Variants in NKIRAS1 observed in about 807,000 individuals in gnomAD.
The protein encoded by NKIRAS1 is NFKB inhibitor interacting Ras like 1, also known as NF-kappa-B inhibitor-interacting Ras-like protein 1.
In NKIRAS1, 16 loss-of-function variants were observed where a neutral mutation model predicts 19.8. The ratio of observed to expected loss-of-function variants is 0.81; its 90% confidence interval spans 0.55 to 1.23. The LOEUF (loss-of-function observed/expected upper bound fraction) is 1.23, where lower values mean the gene tolerates loss of function less well. NKIRAS1 is among the 50% of genes most tolerant of loss of function. The probability of loss-of-function intolerance (pLI) is 0.00; values close to 1 mark genes in which losing one functional copy is unlikely to be tolerated. For missense variants in NKIRAS1, 184 were observed against 220.0 expected, an observed-to-expected ratio of 0.84 and a Z score of 1.04; for synonymous variants, 88 against 79.0, an observed-to-expected ratio of 1.11 and a Z score of -0.61.
At chr3:23,917,707 G>T (rs924496674), upstream of NKIRAS1, 1 of 796,154 alleles carries the variant, frequency 1.3e-6, no homozygotes, top group Non-Finnish European at 2.0e-6. Flanking sequence ...TGGGGGTTGG[G>T]CTAGCTGTCC....
chr3:23,936,554 T>C (rs1211789126), intron 1 of NKIRAS1, among the ~76,000 whole-genome samples: 1 of 152,178 alleles, frequency 6.6e-6, no homozygotes, highest in South Asian at 2.1e-4. Context: ...TTTTTCTTTT[T>C]TTTTTCTTTT....
intron 1 of NKIRAS1, among the ~76,000 whole-genome samples, chr3:23,936,104 A>AAAAAAAAC (rs1705388771): frequency 1.3e-5 from 2 of 150,416 alleles, no homozygotes; most frequent in Non-Finnish European, 3.0e-5. Context: ...AAAAAAAAAA[A>AAAAAAAAC]AAGCGGGGTT....
At chr3:23,911,682 A>G (rs1272663130) in intron 1 of NKIRAS1, among the ~76,000 whole-genome samples, 1 of 152,144 alleles carries the variant, frequency 6.6e-6, no homozygotes, top group African/African-American at 2.4e-5. Context: ...TAGAAAATGG[A>G]CATGATTTTT....
intron 4 of NKIRAS1, among the ~76,000 whole-genome samples, chr3:23,898,955 G>A (rs897301264): frequency 2.0e-5 from 3 of 152,180 alleles, no homozygotes. Flanking sequence ...GAGGGATCTA[G>A]GTTGCATGCT....
intron 3 of NKIRAS1, among the ~76,000 whole-genome samples, chr3:23,907,570 A>G (rs1703202997): frequency 1.3e-5 from 2 of 152,310 alleles, no homozygotes; most frequent in South Asian, 4.1e-4. Flanking sequence ...CTGTGTTGAT[A>G]TTTGTACTGA....
chr3:23,918,756 G>T (rs562409815), upstream of NKIRAS1: 8 of 725,618 alleles, frequency 1.1e-5, no homozygotes, highest in African/African-American at 1.2e-4. Flanking sequence ...TTACAAATGC[G>T]TGTGTATATA....
chr3:23,901,460 G>A (rs562810195), intron 3 of NKIRAS1, among the ~76,000 whole-genome samples: 1 of 152,024 alleles, frequency 6.6e-6, no homozygotes, highest in Non-Finnish European at 1.5e-5. Context: ...CTGGGATTAC[G>A]GGTGTGAGGC....
chr3:23,919,122 GA>G (rs1704922148), upstream of NKIRAS1: 4 of 1,007,444 alleles, frequency 4.0e-6, no homozygotes, highest in Non-Finnish European at 4.6e-6. Flanking sequence ...CTAGAGTTGA[GA>G]ATTAAAATTC....
chr3:23,930,724 A>T (rs1299324608), intron 1 of NKIRAS1, among the ~76,000 whole-genome samples: 1 of 152,224 alleles, frequency 6.6e-6, no homozygotes, highest in African/African-American at 2.4e-5. Flanking sequence ...TTTCTGAGAC[A>T]GGGTCGTACT....
intron 1 of NKIRAS1, chr3:23,945,117 G>A (rs1705603208): frequency 6.7e-6 from 1 of 150,016 alleles, no homozygotes; most frequent in Non-Finnish European, 1.5e-5. Flanking sequence ...GCTCGGCAAG[G>A]AGAAGGAAGG....
chr3:23,918,121 T>C (rs1314212633), upstream of NKIRAS1: 2 of 1,474,254 alleles, frequency 1.4e-6, no homozygotes, highest in Non-Finnish European at 9.1e-7. Flanking sequence ...TGCCTCAGTG[T>C]CTTTCTTCGC....
chr3:23,910,279 C>G (rs1047666182), intron 3 of NKIRAS1, among the ~76,000 whole-genome samples: 10 of 151,740 alleles, frequency 6.6e-5, no homozygotes, highest in African/African-American at 1.7e-4. Flanking sequence ...TGCCTCACCC[C>G]CTCAAGTAGC....
At chr3:23,904,506 T>C (rs1477924538) in intron 3 of NKIRAS1, among the ~76,000 whole-genome samples, 1 of 152,210 alleles carries the variant, frequency 6.6e-6, no homozygotes, top group Non-Finnish European at 1.5e-5. Context: ...GGATTAGTCC[T>C]CATGAAGGTG....
At chr3:23,943,774 A>G (rs570671479) in intron 1 of NKIRAS1, among the ~76,000 whole-genome samples, 17 of 152,354 alleles carry the variant, frequency 1.1e-4, no homozygotes, top group African/African-American at 2.9e-4. Context: ...AGGGAAGAAT[A>G]GAGGGCTACC....
rs781307646 is a variant in NKIRAS1 at position 23,893,213 on chromosome 3, C to T, written c.461G>A (p.Arg154Gln). The change falls in exon 5 of 5, where the codon CGG (arginine) becomes CAG (glutamine). Residue 154 changes from arginine to glutamine, a missense_variant. By Grantham distance (43) the Arg-to-Gln change is conservative (BLOSUM62 1). Transcript: ENST00000425478. ...AGTGAATGGTTCAATCAGAGTTTTC[C>T]GATCTGTAACAGTCACCTCCCACAG... The part of the protein sequence containing the change: ...VRLWEVTVTD[R>Q]KTLIEPFTLL... The T allele has an allele frequency of 1.4e-5, 23 of 1,613,790 alleles. No individual in the cohort carries two copies. The highest frequency in any genetic ancestry group is 8.3e-5 in the Admixed American group (5 of 59,976).
At position 23,890,742 on chromosome 3, in the gene NKIRAS1, T is replaced by A; in HGVS notation, c.*2353A>T. 4.0e-6 allele frequency: 3 copies of A among 751,794 alleles called. No individual in the cohort carries two copies. The highest frequency in any genetic ancestry group is 5.9e-6 in the Non-Finnish European group (3 of 511,202). The allele number at this position is 751,794 out of a possible 1,614,324, so 46.6% of individuals were successfully genotyped here. The stretch of plus-strand genomic sequence containing the variant: ...ACAGATATTATTCAGTCTTATTTCC[T>A]AAGATTTTGTTGTAACTTAAGGTAT... On this transcript the variant is annotated 3_prime_UTR_variant, in exon 5 of 5. Coordinates refer to ENST00000425478, the MANE Select transcript of NKIRAS1 (RefSeq NM_020345.4).
rs138857884 is a variant in NKIRAS1, at chr3:23,925,005, A to G, written c.-139-13555T>C. Among the ~76,000 whole-genome samples the G allele has an allele frequency of 1.3e-3, 196 of 152,332 alleles. No individual in the cohort carries two copies. The Middle Eastern group carries it at 0.014, about 11-fold the overall frequency. On this transcript the variant is annotated intron_variant, in intron 1 of 4. Transcript: ENST00000421515. Reference sequence around the variant, plus strand: ...CTATCTGGAACATTGCGAGGTGTCCATGGCAGAGGGCAAAGAGCATGGCGT... The same window carrying G: ...CTATCTGGAACATTGCGAGGTGTCCGTGGCAGAGGGCAAAGAGCATGGCGT...
In NKIRAS1 at chr3:23,893,098, G is replaced by A. The variant is rs964280245; in HGVS notation, c.576C>T (p.Asn192=). The change falls in exon 5 of 5, where the codon AAC becomes AAT. Residue 192 remains asparagine (N), a synonymous_variant. Coordinates refer to ENST00000425478, the MANE Select transcript of NKIRAS1 (RefSeq NM_020345.4). ...CAATTGTGGAAATTACTGATTTTTA[G>A]TTCTCAGAATTAGAGTTCCCTTTGT... ...RKNKGNSNSE[N] is the part of the protein sequence containing the mutation. 1.3e-6 allele frequency: 2 copies of A among 1,546,600 alleles called. No homozygotes were observed. The highest frequency in any genetic ancestry group is 2.8e-5 in the African/African-American group (2 of 72,312).
At chr3:23,915,488 A>G (rs1704258099) in intron 1 of NKIRAS1, among the ~76,000 whole-genome samples, 1 of 152,234 alleles carries the variant, frequency 6.6e-6, no homozygotes, top group South Asian at 2.1e-4. Context: ...GAGCAATGGA[A>G]GACTAACACA....
Sources: gnomAD v4.1 joint callset for allele counts (sites outside exome capture counted in the v4.1 genomes callset) on GRCh38, gnomAD v4.1.1 for gene constraint, MANE v1.5 for transcripts, NCBI Gene and HGNC (gene_info 2026-07-23, HGNC 2026-07-21) for gene names.